The following ROBO2 variants were observed in gnomAD, a reference collection of about 807,000 sequenced individuals.
ROBO2 encodes the protein roundabout homolog 2.
ROBO2 carries 53 observed loss-of-function variants against 160.8 expected under a neutral mutation model. That is an observed-to-expected ratio of 0.33 (90% CI 0.26 to 0.41). ROBO2 has a LOEUF of 0.41. Ranked by LOEUF, ROBO2 falls within the 10% of genes least tolerant of loss-of-function variation. The pLI, the probability that ROBO2 is intolerant of heterozygous loss-of-function variation, is 1.00. For synonymous variants in ROBO2, 664 were observed against 611.7 expected, an observed-to-expected ratio of 1.09 and a Z score of -1.26; for missense variants, 1,577 against 1,722.4, an observed-to-expected ratio of 0.92 and a Z score of 1.49.
At chr3:76,003,551 GT>G (rs1373004019) in intron 2 of ROBO2, among the ~76,000 whole-genome samples, 1 of 152,114 alleles carries the variant, frequency 6.6e-6, no homozygotes, top group Admixed American at 6.6e-5. Flanking sequence ...TTTGTAACTT[GT>G]AGAAATAGAT....
At chr3:77,215,643 A>C (rs1373506926) in intron 2 of ROBO2, among the ~76,000 whole-genome samples, 1 of 152,082 alleles carries the variant, frequency 6.6e-6, no homozygotes, top group East Asian at 1.9e-4. Context: ...CCTTTGGAGG[A>C]GGAGAGGTGC....
At chr3:76,535,541 T>C (rs753920647) in intron 2 of ROBO2, among the ~76,000 whole-genome samples, 3 of 151,806 alleles carry the variant, frequency 2.0e-5, no homozygotes, top group Non-Finnish European at 2.9e-5. Context: ...AGGCCTTGAA[T>C]TGGGCAAAAG....
At chr3:77,025,328 C>T (rs1165752525) in intron 2 of ROBO2, among the ~76,000 whole-genome samples, 1 of 152,030 alleles carries the variant, frequency 6.6e-6, no homozygotes, top group Non-Finnish European at 1.5e-5. Context: ...TTCTGTTAAC[C>T]ATTTTGAGAC....
At chr3:77,415,214 G>A (rs1560771251) in intron 2 of ROBO2, among the ~76,000 whole-genome samples, 1 of 152,212 alleles carries the variant, frequency 6.6e-6, no homozygotes, top group Non-Finnish European at 1.5e-5. Flanking sequence ...TCTGGGAGGT[G>A]TAGAGAAGCA....
intron 2 of ROBO2, among the ~76,000 whole-genome samples, chr3:76,021,186 G>A (rs1467916387): frequency 6.6e-6 from 1 of 151,782 alleles, no homozygotes; most frequent in Non-Finnish European, 1.5e-5. Flanking sequence ...ATGGAAATGT[G>A]AGTCCAAAAT....
chr3:77,129,607 C>A (rs1293266921), intron 2 of ROBO2, among the ~76,000 whole-genome samples: 1 of 152,154 alleles, frequency 6.6e-6, no homozygotes, highest in Non-Finnish European at 1.5e-5. Context: ...AACTTTGTAG[C>A]CCAATTCGTT....
intron 2 of ROBO2, among the ~76,000 whole-genome samples, chr3:76,816,581 G>A (rs1273401933): frequency 6.6e-6 from 1 of 151,884 alleles, no homozygotes; most frequent in African/African-American, 2.4e-5. Context: ...AGTATGTGTG[G>A]CTTGCTCTAA....
intron 2 of ROBO2, among the ~76,000 whole-genome samples, chr3:77,239,038 C>CA (rs2151346085): frequency 6.6e-6 from 1 of 152,306 alleles, no homozygotes; most frequent in African/African-American, 2.4e-5. Flanking sequence ...AATCCACAGA[C>CA]ACAAAAAGTC....
At chr3:76,885,550 G>A (rs1166983) in intron 2 of ROBO2, among the ~76,000 whole-genome samples, 19,400 of 152,146 alleles carry the variant, frequency 0.13, 1,704 homozygotes, top group Middle Eastern at 0.22. Flanking sequence ...TCCAGGATGT[G>A]TGTTAGCTAA....
chr3:76,950,672 T>A (rs1383557450), intron 2 of ROBO2, among the ~76,000 whole-genome samples: 2 of 152,096 alleles, frequency 1.3e-5, no homozygotes, highest in Admixed American at 6.5e-5. Context: ...TCTGACTACA[T>A]CCTCCCTGGT....
chr3:77,247,115 C>G (rs2089815948), intron 2 of ROBO2, among the ~76,000 whole-genome samples: 1 of 152,196 alleles, frequency 6.6e-6, no homozygotes, highest in African/African-American at 2.4e-5. Context: ...CTACCAAGAG[C>G]TGAATCATTC....
chr3:77,640,097 ATTTTTTTTTT>A (rs71104695), intron 24 of ROBO2, among the ~76,000 whole-genome samples: 21 of 65,486 alleles, frequency 3.2e-4, no homozygotes, highest in South Asian at 9.0e-4. Flanking sequence ...CAGAGGAAGC[ATTTTTTTTTT>A]TTTTTTTTTT....
intron 2 of ROBO2, among the ~76,000 whole-genome samples, chr3:77,147,992 T>A (rs1238103409): frequency 6.6e-6 from 1 of 152,212 alleles, no homozygotes. Flanking sequence ...TGAGCAGCCT[T>A]GAACTTTGCA....
chr3:77,613,466 T>C (rs972568075), intron 21 of ROBO2, among the ~76,000 whole-genome samples: 5 of 152,006 alleles, frequency 3.3e-5, no homozygotes, highest in African/African-American at 1.2e-4. Context: ...GTAGTAAGAG[T>C]TACAAAGTAA....
At chr3:77,325,397 A>T (rs1392583838) in intron 2 of ROBO2, among the ~76,000 whole-genome samples, 1 of 152,200 alleles carries the variant, frequency 6.6e-6, no homozygotes, top group African/African-American at 2.4e-5. Context: ...ACCAGAGCAG[A>T]CGCAACTGGG....
intron 4 of ROBO2, among the ~76,000 whole-genome samples, chr3:77,487,880 G>C (rs1005150829): frequency 6.6e-6 from 1 of 152,120 alleles, no homozygotes; most frequent in Non-Finnish European, 1.5e-5. Flanking sequence ...AGAAATAGCT[G>C]TTACCACACA....
intron 2 of ROBO2, among the ~76,000 whole-genome samples, chr3:76,541,353 C>T (rs762074888): frequency 1.4e-4 from 22 of 152,224 alleles, no homozygotes; most frequent in South Asian, 4.2e-4. Flanking sequence ...ATGCTTTATC[C>T]GGCTCAGTTT....
At chr3:76,605,965 C>T (rs780551921) in intron 2 of ROBO2, among the ~76,000 whole-genome samples, 1 of 151,958 alleles carries the variant, frequency 6.6e-6, no homozygotes, top group Non-Finnish European at 1.5e-5. Context: ...GACAGGACCC[C>T]GTTATTTGGA....
chr3:76,994,548 CA>C (rs1367283264), intron 2 of ROBO2, among the ~76,000 whole-genome samples: 2 of 152,048 alleles, frequency 1.3e-5, no homozygotes, highest in Non-Finnish European at 2.9e-5. Flanking sequence ...AAATCATAAT[CA>C]GAAGAATGGT....
Sources: gnomAD v4.1 joint callset for allele counts (sites outside exome capture counted in the v4.1 genomes callset) on GRCh38, gnomAD v4.1.1 for gene constraint, MANE v1.5 for transcripts, NCBI Gene and HGNC (gene_info 2026-07-23, HGNC 2026-07-21) for gene names.